The following HULC variants were observed in gnomAD, a reference collection of about 807,000 sequenced individuals.
HULC encodes the protein hepatocellular carcinoma up-regulated long non-coding RNA.
Position 8,653,229 on chromosome 6 carries a change from T to G in HULC, n.313+106015T>G, listed in dbSNP as rs1264890661. ...GCTAAAGATCAACCAACTTGTTCAT[T>G]TTTCAATTGTTTAGGGCCTTGCTGG... On this transcript the variant is annotated intron_variant and non_coding_transcript_variant, in intron 3 of 8. Coordinates refer to ENST00000645747, the Ensembl canonical transcript of HULC. The surrounding 1 kb of genome is among the most constrained non-coding windows in gnomAD (Gnocchi z 4.3). The G allele has an allele frequency of 1.3e-5, 2 of 152,202 alleles. No homozygotes were observed. The highest frequency in any genetic ancestry group is 4.8e-5 in the African/African-American group (2 of 41,460). 9.4% of individuals were successfully genotyped at this position (152,202 alleles called of 1,614,324 possible).
chr6:8,652,345 C>T lies in HULC; in HGVS notation n.313+105131C>T, dbSNP rs1328868. On this transcript the variant is annotated intron_variant and non_coding_transcript_variant, in intron 3 of 8. Coordinates refer to ENST00000645747, the Ensembl canonical transcript of HULC. This position sits in a 1 kb window ranked among gnomAD's most constrained non-coding sequence, Gnocchi z 5.0. ...GAGTCGTCACGAGAACCAGACCATG[C>T]AGGAACTCTGATCGTGGACATTTCA... 0.36 allele frequency: 54,651 copies of T among 152,124 alleles called. 10,156 individuals are homozygous for T. Among genetic ancestry groups the T allele is most frequent in the Non-Finnish European group, 0.39 (26,262 of 68,066 alleles). 9.4% of individuals were successfully genotyped at this position (152,124 alleles called of 1,614,324 possible).
rs1238115189 is a variant in HULC at position 8,653,528 on chromosome 6, T to TTCTTTCCTCTTCCTAGAAATGC, written n.313+106315_313+106336dup. On this transcript the variant is annotated intron_variant and non_coding_transcript_variant, in intron 3 of 8. Coordinates refer to ENST00000645747, the Ensembl canonical transcript of HULC. This position sits in a 1 kb window ranked among gnomAD's most constrained non-coding sequence, Gnocchi z 4.3. ...ATGATGATAGATGTCTTACAACTCTTTCTTTCCTCTTCCTAGAAATGCATA... is the reference window on the plus strand; with the variant it reads ...ATGATGATAGATGTCTTACAACTCTTTCTTTCCTCTTCCTAGAAATGCTCTTTCCTCTTCCTAGAAATGCATA... 1.3e-5 allele frequency: 2 copies of TTCTTTCCTCTTCCTAGAAATGC among 152,204 alleles called. No homozygotes were observed. The highest frequency in any genetic ancestry group is 3.9e-4 in the East Asian group (2 of 5,184). 9.4% of individuals were successfully genotyped at this position (152,204 alleles called of 1,614,324 possible).
rs988288398 is a variant in HULC at position 8,653,523 on chromosome 6, A to C, written n.313+106309A>C. Reference sequence around the variant, plus strand: ...TTTTTATGATGATAGATGTCTTACAACTCTTTCTTTCCTCTTCCTAGAAAT... The same window carrying C: ...TTTTTATGATGATAGATGTCTTACACCTCTTTCTTTCCTCTTCCTAGAAAT... On this transcript the variant is annotated intron_variant and non_coding_transcript_variant, in intron 3 of 8. Coordinates refer to ENST00000645747, the Ensembl canonical transcript of HULC. The surrounding 1 kb of genome is among the most constrained non-coding windows in gnomAD (Gnocchi z 4.3). 1 of 152,100 alleles carries C rather than the reference A, an allele frequency of 6.6e-6. No homozygotes were observed. The highest frequency in any genetic ancestry group is 2.4e-5 in the African/African-American group (1 of 41,404). The allele number at this position is 152,100 out of a possible 1,614,324, so 9.4% of individuals were successfully genotyped here.
Position 8,653,098 on chromosome 6 carries a change from A to T in HULC, n.313+105884A>T, listed in dbSNP as rs867996147. 48 of 151,760 alleles carry T rather than the reference A, an allele frequency of 3.2e-4. No homozygotes were observed. Among genetic ancestry groups the T allele is most frequent in the African/African-American group, 1.1e-3 (47 of 41,052 alleles). The allele number at this position is 151,760 out of a possible 1,614,324, so 9.4% of individuals were successfully genotyped here. ...CTGTTTCAGTGCTACAGAATATTTT[A>T]TCTTCTCAGAAACCATGTAGTCTCC... On this transcript the variant is annotated intron_variant and non_coding_transcript_variant, in intron 3 of 8. Coordinates refer to ENST00000645747, the Ensembl canonical transcript of HULC. This position sits in a 1 kb window ranked among gnomAD's most constrained non-coding sequence, Gnocchi z 4.3.
In HULC at chr6:8,652,754, T is replaced by C. The variant is rs1767318514; in HGVS notation, n.313+105540T>C. Reference sequence around the variant, plus strand: ...TGCTGCTGCCATGGGTGTGATAAGCTGAAGGAGGGGAGTGGGAAGGAGCTG... The same window carrying C: ...TGCTGCTGCCATGGGTGTGATAAGCCGAAGGAGGGGAGTGGGAAGGAGCTG... On this transcript the variant is annotated intron_variant and non_coding_transcript_variant, in intron 3 of 8. Transcript: ENST00000645747. The surrounding 1 kb of genome is among the most constrained non-coding windows in gnomAD (Gnocchi z 5.0). The C allele has an allele frequency of 6.6e-6, 1 of 152,304 alleles. No homozygotes were observed. Among genetic ancestry groups the C allele is most frequent in the Non-Finnish European group, 1.5e-5 (1 of 68,176 alleles). The allele number at this position is 152,304 out of a possible 1,614,324, so 9.4% of individuals were successfully genotyped here.
rs1429677790 is a variant in HULC at position 8,652,974 on chromosome 6, G to T, written n.313+105760G>T. On this transcript the variant is annotated intron_variant and non_coding_transcript_variant, in intron 3 of 8. Transcript: ENST00000645747. The surrounding 1 kb of genome is among the most constrained non-coding windows in gnomAD (Gnocchi z 5.0). ...TCCACCCCCAACCCAGAACTCTGCG[G>T]ATAAAGGAATTCTGGGAAATGTAGT... The T allele has an allele frequency of 6.6e-6, 1 of 152,220 alleles. No homozygotes were observed. The highest frequency in any genetic ancestry group is 1.5e-5 in the Non-Finnish European group (1 of 68,076). 9.4% of individuals were successfully genotyped at this position (152,220 alleles called of 1,614,324 possible). A position where few individuals can be genotyped will look rare whatever the true frequency, so the allele number is the denominator to read the frequency against.
rs2038540 is a variant in HULC, at chr6:8,652,438, C to T, written n.313+105224C>T. On this transcript the variant is annotated intron_variant and non_coding_transcript_variant, in intron 3 of 8. Transcript: ENST00000645747. This position sits in a 1 kb window ranked among gnomAD's most constrained non-coding sequence, Gnocchi z 5.0. ...AGTCTTTGTTATTTTTTATAGCAGC[C>T]TAAGCGGACTGAGACACGTGAAGGT... 6.6e-6 allele frequency: 1 copy of T among 152,194 alleles called. No individual in the cohort carries two copies. The highest frequency in any genetic ancestry group is 1.5e-5 in the Non-Finnish European group (1 of 68,100). 9.4% of individuals were successfully genotyped at this position (152,194 alleles called of 1,614,324 possible). A position where few individuals can be genotyped will look rare whatever the true frequency, so the allele number is the denominator to read the frequency against.
rs1767313132 is a variant in HULC at position 8,652,445 on chromosome 6, G to T, written n.313+105231G>T. 1 of 152,298 alleles carries T rather than the reference G, an allele frequency of 6.6e-6. No homozygotes were observed. Among genetic ancestry groups the T allele is most frequent in the South Asian group, 2.1e-4 (1 of 4,832 alleles). 9.4% of individuals were successfully genotyped at this position (152,298 alleles called of 1,614,324 possible). A position where few individuals can be genotyped will look rare whatever the true frequency, so the allele number is the denominator to read the frequency against. On this transcript the variant is annotated intron_variant and non_coding_transcript_variant, in intron 3 of 8. Transcript: ENST00000645747. This position sits in a 1 kb window ranked among gnomAD's most constrained non-coding sequence, Gnocchi z 5.0. ...GTTATTTTTTATAGCAGCCTAAGCG[G>T]ACTGAGACACGTGAAGGTGGACTGA...
rs184412365 is a variant in HULC at position 8,652,271 on chromosome 6, C to T, written n.313+105057C>T. Reference sequence around the variant, plus strand: ...AAGGGAATGAAGAGACAAGAGCTCTCTTTATGCCACGTGAGGATACAGCAA... The same window carrying T: ...AAGGGAATGAAGAGACAAGAGCTCTTTTTATGCCACGTGAGGATACAGCAA... On this transcript the variant is annotated intron_variant and non_coding_transcript_variant, in intron 3 of 8. Transcript: ENST00000645747. This position sits in a 1 kb window ranked among gnomAD's most constrained non-coding sequence, Gnocchi z 5.0. The T allele has an allele frequency of 6.6e-6, 1 of 152,264 alleles. No homozygotes were observed. The highest frequency in any genetic ancestry group is 2.4e-5 in the African/African-American group (1 of 41,532). 9.4% of individuals were successfully genotyped at this position (152,264 alleles called of 1,614,324 possible). A position where few individuals can be genotyped will look rare whatever the true frequency, so the allele number is the denominator to read the frequency against.
rs1433549534 is a variant in HULC at position 8,652,711 on chromosome 6, T to A, written n.313+105497T>A. 2 of 152,322 alleles carry A rather than the reference T, an allele frequency of 1.3e-5. No individual in the cohort carries two copies. Among genetic ancestry groups the A allele is most frequent in the African/African-American group, 4.8e-5 (2 of 41,432 alleles). 9.4% of individuals were successfully genotyped at this position (152,322 alleles called of 1,614,324 possible). On this transcript the variant is annotated intron_variant and non_coding_transcript_variant, in intron 3 of 8. Transcript: ENST00000645747. The surrounding 1 kb of genome is among the most constrained non-coding windows in gnomAD (Gnocchi z 5.0). ...GATTTGCTGGAGAAGCTGGAGCTTT[T>A]CCTCATGGAGCTAAATCTGCTGCTG...
In HULC at chr6:8,653,839, A is replaced by G. The variant is rs1767337843; in HGVS notation, n.313+106625A>G. On this transcript the variant is annotated intron_variant and non_coding_transcript_variant, in intron 3 of 8. Transcript: ENST00000645747. The surrounding 1 kb of genome is among the most constrained non-coding windows in gnomAD (Gnocchi z 4.3). ...ATTAAAATGAAATAAAATGATGTCC[A>G]TTCTTAATTCATCCTCACAACTGGG... 1 of 152,166 alleles carries G rather than the reference A, an allele frequency of 6.6e-6. No homozygotes were observed. The highest frequency in any genetic ancestry group is 1.5e-5 in the Non-Finnish European group (1 of 68,022). The allele number at this position is 152,166 out of a possible 1,614,324, so 9.4% of individuals were successfully genotyped here.
chr6:8,652,311 A>G lies in HULC; in HGVS notation n.313+105097A>G, dbSNP rs1767311153. 1 of 152,306 alleles carries G rather than the reference A, an allele frequency of 6.6e-6. No homozygotes were observed. Among genetic ancestry groups the G allele is most frequent in the Non-Finnish European group, 1.5e-5 (1 of 68,108 alleles). The allele number at this position is 152,306 out of a possible 1,614,324, so 9.4% of individuals were successfully genotyped here. On this transcript the variant is annotated intron_variant and non_coding_transcript_variant, in intron 3 of 8. Coordinates refer to ENST00000645747, the Ensembl canonical transcript of HULC. This position sits in a 1 kb window ranked among gnomAD's most constrained non-coding sequence, Gnocchi z 5.0. Reference sequence around the variant, plus strand: ...GGATACAGCAAGGCCCCAATCTGCAAGCCAGGAAGAGTCGTCACGAGAACC... The same window carrying G: ...GGATACAGCAAGGCCCCAATCTGCAGGCCAGGAAGAGTCGTCACGAGAACC...
At position 8,652,269 on chromosome 6, in the gene HULC, C is replaced by T. The variant is rs1767310236; in HGVS notation, n.313+105055C>T. ...ACAAGGGAATGAAGAGACAAGAGCT[C>T]TCTTTATGCCACGTGAGGATACAGC... On this transcript the variant is annotated intron_variant and non_coding_transcript_variant, in intron 3 of 8. Coordinates refer to ENST00000645747, the Ensembl canonical transcript of HULC. The surrounding 1 kb of genome is among the most constrained non-coding windows in gnomAD (Gnocchi z 5.0). 1 of 152,110 alleles carries T rather than the reference C, an allele frequency of 6.6e-6. No individual in the cohort carries two copies. The highest frequency in any genetic ancestry group is 2.1e-4 in the South Asian group (1 of 4,826). The allele number at this position is 152,110 out of a possible 1,614,324, so 9.4% of individuals were successfully genotyped here.
rs1450333315 is a variant in HULC at position 8,652,694 on chromosome 6, G to A, written n.313+105480G>A. On this transcript the variant is annotated intron_variant and non_coding_transcript_variant, in intron 3 of 8. Transcript: ENST00000645747. This position sits in a 1 kb window ranked among gnomAD's most constrained non-coding sequence, Gnocchi z 5.0. ...TCTTTGATTATGGAATCGATTTGCT[G>A]GAGAAGCTGGAGCTTTTCCTCATGG... 2 of 152,246 alleles carry A rather than the reference G, an allele frequency of 1.3e-5. No individual in the cohort carries two copies. Among genetic ancestry groups the A allele is most frequent in the African/African-American group, 4.8e-5 (2 of 41,442 alleles). 9.4% of individuals were successfully genotyped at this position (152,246 alleles called of 1,614,324 possible). A position where few individuals can be genotyped will look rare whatever the true frequency, so the allele number is the denominator to read the frequency against.
In HULC at chr6:8,653,089, G is replaced by A. The variant is rs1360263916; in HGVS notation, n.313+105875G>A. 1.3e-5 allele frequency: 2 copies of A among 151,840 alleles called. No homozygotes were observed. Among genetic ancestry groups the A allele is most frequent in the South Asian group, 4.1e-4 (2 of 4,832 alleles). The allele number at this position is 151,840 out of a possible 1,614,324, so 9.4% of individuals were successfully genotyped here. ...ATATTCGACCTGTTTCAGTGCTACA[G>A]AATATTTTATCTTCTCAGAAACCAT... On this transcript the variant is annotated intron_variant and non_coding_transcript_variant, in intron 3 of 8. Coordinates refer to ENST00000645747, the Ensembl canonical transcript of HULC. The surrounding 1 kb of genome is among the most constrained non-coding windows in gnomAD (Gnocchi z 4.3).
rs1216975817 is a variant in HULC, at chr6:8,653,223, G to T, written n.313+106009G>T. 1 of 152,092 alleles carries T rather than the reference G, an allele frequency of 6.6e-6. No individual in the cohort carries two copies. The highest frequency in any genetic ancestry group is 1.5e-5 in the Non-Finnish European group (1 of 68,020). The allele number at this position is 152,092 out of a possible 1,614,324, so 9.4% of individuals were successfully genotyped here. A position where few individuals can be genotyped will look rare whatever the true frequency, so the allele number is the denominator to read the frequency against. On this transcript the variant is annotated intron_variant and non_coding_transcript_variant, in intron 3 of 8. Coordinates refer to ENST00000645747, the Ensembl canonical transcript of HULC. This position sits in a 1 kb window ranked among gnomAD's most constrained non-coding sequence, Gnocchi z 4.3. ...TCACTTGCTAAAGATCAACCAACTT[G>T]TTCATTTTTCAATTGTTTAGGGCCT...
At position 8,652,622 on chromosome 6, in the gene HULC, G is replaced by A. The variant is rs1767316935; in HGVS notation, n.313+105408G>A. On this transcript the variant is annotated intron_variant and non_coding_transcript_variant, in intron 3 of 8. Coordinates refer to ENST00000645747, the Ensembl canonical transcript of HULC. The surrounding 1 kb of genome is among the most constrained non-coding windows in gnomAD (Gnocchi z 5.0). Reference sequence around the variant, plus strand: ...CTTGAGGCTGAGCTGGTTCCCACAAGGACCAACTGGGACCCATTAGCCCCT... The same window carrying A: ...CTTGAGGCTGAGCTGGTTCCCACAAAGACCAACTGGGACCCATTAGCCCCT... 6.6e-6 allele frequency: 1 copy of A among 152,180 alleles called. No individual in the cohort carries two copies. Among genetic ancestry groups the A allele is most frequent in the Non-Finnish European group, 1.5e-5 (1 of 68,038 alleles). 9.4% of individuals were successfully genotyped at this position (152,180 alleles called of 1,614,324 possible).
rs1355750207 is a variant in HULC at position 8,652,632 on chromosome 6, G to T, written n.313+105418G>T. On this transcript the variant is annotated intron_variant and non_coding_transcript_variant, in intron 3 of 8. Transcript: ENST00000645747. This position sits in a 1 kb window ranked among gnomAD's most constrained non-coding sequence, Gnocchi z 5.0. ...AGCTGGTTCCCACAAGGACCAACTG[G>T]GACCCATTAGCCCCTCTTACCACCT... 6.6e-6 allele frequency: 1 copy of T among 152,232 alleles called. No homozygotes were observed. Among genetic ancestry groups the T allele is most frequent in the Non-Finnish European group, 1.5e-5 (1 of 68,084 alleles). 9.4% of individuals were successfully genotyped at this position (152,232 alleles called of 1,614,324 possible). A position where few individuals can be genotyped will look rare whatever the true frequency, so the allele number is the denominator to read the frequency against.
In HULC at chr6:8,653,651, G is replaced by A. The variant is rs1767334137; in HGVS notation, n.313+106437G>A. The A allele has an allele frequency of 6.6e-6, 1 of 152,102 alleles. No individual in the cohort carries two copies. The highest frequency in any genetic ancestry group is 2.4e-5 in the African/African-American group (1 of 41,442). 9.4% of individuals were successfully genotyped at this position (152,102 alleles called of 1,614,324 possible). A position where few individuals can be genotyped will look rare whatever the true frequency, so the allele number is the denominator to read the frequency against. On this transcript the variant is annotated intron_variant and non_coding_transcript_variant, in intron 3 of 8. Transcript: ENST00000645747. The surrounding 1 kb of genome is among the most constrained non-coding windows in gnomAD (Gnocchi z 4.3). ...CAAAGCATCAAGCAAGAAGTTTCCT[G>A]GCAATAAACTAAGCACAGCATTATT...
Sources: gnomAD v4.1 joint callset for allele counts on GRCh38, gnomAD v4.1.1 for gene constraint, Gnocchi (gnomAD v3.1) non-coding constraint, MANE v1.5 for transcripts, NCBI Gene and HGNC (gene_info 2026-07-23, HGNC 2026-07-21) for gene names.